TCERG1L: variants seen among roughly 807,000 people sequenced by gnomAD.
TCERG1L encodes the protein transcription elongation regulator 1-like protein.
In TCERG1L, 37 loss-of-function variants were observed where a neutral mutation model predicts 56.3. That is an observed-to-expected ratio of 0.66 (90% confidence interval 0.51 to 0.87). The LOEUF is 0.87. Among genes scored for constraint, TCERG1L ranks in the 40% least tolerant of loss-of-function variants. The probability of loss-of-function intolerance (pLI) is 0.00; values close to 1 mark genes in which losing one functional copy is unlikely to be tolerated. For missense variants in TCERG1L, 799 were observed against 774.2 expected (o/e 1.03, Z -0.38); for synonymous variants, 324 against 326.3 (o/e 0.99, Z 0.08).
At chr10:131,177,868 C>T (rs914355006) in intron 4 of TCERG1L, among the ~76,000 whole-genome samples, 4 of 150,950 alleles carry the variant, frequency 2.6e-5, no homozygotes, top group African/African-American at 4.9e-5. Context: ...AGCTTCTTCC[C>T]GTCTCGATCT....
chr10:131,298,525 T>G (rs1846722218), intron 3 of TCERG1L, among the ~76,000 whole-genome samples: 1 of 152,176 alleles, frequency 6.6e-6, no homozygotes, highest in Non-Finnish European at 1.5e-5. Context: ...GTGATTCTCC[T>G]ACCTCAGCCT....
intron 5 of TCERG1L, among the ~76,000 whole-genome samples, chr10:131,165,095 T>C (rs1846017559): frequency 6.6e-6 from 1 of 152,184 alleles, no homozygotes; most frequent in Non-Finnish European, 1.5e-5. Context: ...GAGACAATGG[T>C]GAGATAAAGC....
At chr10:131,268,155 T>G (rs1334679142) in intron 3 of TCERG1L, among the ~76,000 whole-genome samples, 1 of 152,216 alleles carries the variant, frequency 6.6e-6, no homozygotes, top group East Asian at 1.9e-4. Flanking sequence ...GCTGGGCTCC[T>G]GCCTGCTCTG....
At chr10:131,244,352 CG>C (rs1477153119) in intron 4 of TCERG1L, among the ~76,000 whole-genome samples, 1 of 152,238 alleles carries the variant, frequency 6.6e-6, no homozygotes, top group East Asian at 1.9e-4. Flanking sequence ...TGCTTTCATC[CG>C]GGGGTTCAAG....
intron 3 of TCERG1L, among the ~76,000 whole-genome samples, chr10:131,305,657 T>C (rs554079302): frequency 6.6e-6 from 1 of 152,106 alleles, no homozygotes; most frequent in Admixed American, 6.5e-5. Flanking sequence ...GAAAAGAAAA[T>C]AAGCTTAGCT....
At position 131,093,019 on chromosome 10, in the gene TCERG1L, G is replaced by A. The variant is rs1255201570; in HGVS notation, c.*143C>T. The A allele has an allele frequency of 2.8e-6, 2 of 722,634 alleles. No individual in the cohort carries two copies. The highest frequency in any genetic ancestry group is 1.8e-5 in the African/African-American group (1 of 56,186). 44.8% of individuals were successfully genotyped at this position (722,634 alleles called of 1,614,324 possible). A position where few individuals can be genotyped will look rare whatever the true frequency, so the allele number is the denominator to read the frequency against. ...CTTCAATATGAAACAGTAATCCTCT[G>A]AGAACGAAGACCCCGCAGTGCCGGT... On this transcript the variant is annotated 3_prime_UTR_variant, in exon 12 of 12. Coordinates refer to ENST00000368642, the MANE Select transcript of TCERG1L (RefSeq NM_174937.4).
intron 9 of TCERG1L, among the ~76,000 whole-genome samples, chr10:131,115,533 C>T (rs1162568896): frequency 6.6e-6 from 1 of 152,276 alleles, no homozygotes; most frequent in Non-Finnish European, 1.5e-5. Flanking sequence ...CCACGTCGCG[C>T]TCTGTGCCTC....
At chr10:131,201,725 T>C (rs1328211135) in intron 4 of TCERG1L, among the ~76,000 whole-genome samples, 3 of 152,240 alleles carry the variant, frequency 2.0e-5, no homozygotes, top group Admixed American at 6.5e-5. Flanking sequence ...CTCCGAATTT[T>C]ACACTGCATT....
intron 3 of TCERG1L, among the ~76,000 whole-genome samples, chr10:131,285,955 C>T (rs562695161): frequency 1.9e-4 from 29 of 152,294 alleles, no homozygotes; most frequent in East Asian, 5.8e-4. Context: ...GAAGCATCTG[C>T]TCCAAAACAG....
At chr10:131,100,737 C>A (rs560476048) in intron 10 of TCERG1L, among the ~76,000 whole-genome samples, 1 of 152,224 alleles carries the variant, frequency 6.6e-6, no homozygotes, top group Non-Finnish European at 1.5e-5. Context: ...TAGCTTTCCC[C>A]ATGAAAACGC....
At chr10:131,206,564 G>A (rs780337251) in intron 4 of TCERG1L, among the ~76,000 whole-genome samples, 2 of 152,248 alleles carry the variant, frequency 1.3e-5, no homozygotes, top group South Asian at 2.1e-4. Context: ...TGCAAAGTCC[G>A]TGCAATCAAG....
At chr10:131,285,418 A>G (rs1371255551) in intron 3 of TCERG1L, among the ~76,000 whole-genome samples, 4 of 105,964 alleles carry the variant, frequency 3.8e-5, no homozygotes, top group African/African-American at 6.3e-5. Flanking sequence ...AAGGAAAGAG[A>G]GAGAGAGAGA....
chr10:131,238,528 C>T (rs771556168), intron 4 of TCERG1L, among the ~76,000 whole-genome samples: 1 of 152,190 alleles, frequency 6.6e-6, no homozygotes, highest in Admixed American at 6.5e-5. Context: ...CACAAGTAAG[C>T]AACGGGCAAA....
intron 3 of TCERG1L, among the ~76,000 whole-genome samples, chr10:131,289,870 GAGC>G (rs1178275814): frequency 1.7e-5 from 1 of 60,096 alleles, no homozygotes; most frequent in Non-Finnish European, 3.6e-5. Flanking sequence ...TGCTGTGTGT[GAGC>G]AGGTGTGCAC....
At chr10:131,227,142 T>C (rs1188663108) in intron 4 of TCERG1L, among the ~76,000 whole-genome samples, 1 of 152,236 alleles carries the variant, frequency 6.6e-6, no homozygotes, top group African/African-American at 2.4e-5. Flanking sequence ...CCATAGGGCA[T>C]GGCCATGGGC....
At chr10:131,121,595 C>A (rs540419370) in intron 8 of TCERG1L, among the ~76,000 whole-genome samples, 1 of 152,222 alleles carries the variant, frequency 6.6e-6, no homozygotes, top group Non-Finnish European at 1.5e-5. Context: ...CCACAGGAAG[C>A]GCCACACAGA....
intron 6 of TCERG1L, among the ~76,000 whole-genome samples, chr10:131,149,812 G>A (rs1276524440): frequency 1.3e-5 from 2 of 152,198 alleles, no homozygotes; most frequent in African/African-American, 2.4e-5. Flanking sequence ...GCCAGCGGGG[G>A]TGCAGGGAGT....
intron 7 of TCERG1L, among the ~76,000 whole-genome samples, chr10:131,145,786 T>C (rs1845788598): frequency 6.6e-6 from 1 of 152,238 alleles, no homozygotes; most frequent in African/African-American, 2.4e-5. Context: ...CCTCTCAAGT[T>C]GGCAGGGAGC....
intron 4 of TCERG1L, among the ~76,000 whole-genome samples, chr10:131,213,420 C>A (rs774533273): frequency 1.3e-5 from 2 of 152,186 alleles, no homozygotes; most frequent in South Asian, 2.1e-4. Flanking sequence ...TTTCTCTGCA[C>A]CAGAACCGGA....
Sources: allele counts gnomAD v4.1 joint callset (sites outside exome capture counted in the v4.1 genomes callset), GRCh38; gene constraint gnomAD v4.1.1; transcripts MANE v1.5; gene names NCBI Gene and HGNC (gene_info 2026-07-23, HGNC 2026-07-21).